TTLL1: variants seen among roughly 807,000 people sequenced by gnomAD.
TTLL1 encodes TTL family tubulin polyglutamylase complex subunit L1.
A neutral mutation model predicts 47.8 loss-of-function variants in TTLL1; 33 were observed. The observed-to-expected ratio is 0.69, with a 90% CI of 0.52 to 0.92. The LOEUF (loss-of-function observed/expected upper bound fraction) is 0.92, where lower values mean the gene tolerates loss of function less well. Ranked by LOEUF, TTLL1 falls within the 40% of genes least tolerant of loss-of-function variation. The pLI, the probability that TTLL1 is intolerant of heterozygous loss-of-function variation, is 0.00. For synonymous variants in TTLL1, 225 were observed against 214.1 expected, an observed-to-expected ratio of 1.05 and a Z score of -0.45; for missense variants, 488 against 547.5, an observed-to-expected ratio of 0.89 and a Z score of 1.08.
chr22:43,056,074 T>G (rs1346200793), intron 8 of TTLL1, among the ~76,000 whole-genome samples: 2 of 151,762 alleles, frequency 1.3e-5, no homozygotes, highest in Non-Finnish European at 2.9e-5. Flanking sequence ...ATAAATATGT[T>G]CATACAGCCA....
In TTLL1 at chr22:43,046,402, A is replaced by G. The variant is rs777860075; in HGVS notation, c.1142+8T>C. 25 of 1,613,686 alleles carry G rather than the reference A, an allele frequency of 1.5e-5. No homozygotes were observed. In the African/African-American group the frequency reaches 2.9e-4, roughly 19 times the overall value. On this transcript the variant is annotated splice_region_variant and intron_variant, in intron 10 of 10. Coordinates refer to ENST00000266254, the MANE Select transcript of TTLL1 (RefSeq NM_012263.5). The stretch of plus-strand genomic sequence containing the variant: ...GAAGGACAAGCGCACAGTCACACAC[A>G]CACTTACAGAATCTCGTAATTGCCG...
At chr22:43,068,813 C>A (rs1927917784) in intron 4 of TTLL1, among the ~76,000 whole-genome samples, 4 of 152,186 alleles carry the variant, frequency 2.6e-5, no homozygotes, top group Admixed American at 2.0e-4. Flanking sequence ...ATTTTTCAAT[C>A]CCCACGGCCA....
intron 3 of TTLL1, among the ~76,000 whole-genome samples, chr22:43,072,989 C>T (rs5759133): frequency 0.075 from 11,359 of 151,984 alleles, 816 homozygotes; most frequent in East Asian, 0.4. Context: ...AATTCAAATA[C>T]ATATGATAAG....
rs148024864 is a variant in TTLL1, at chr22:43,056,206, A to G, written c.891+3178T>C. Among the ~76,000 whole-genome samples the G allele has an allele frequency of 8.7e-4, 132 of 152,040 alleles. 1 individual carries two copies. Among genetic ancestry groups the G allele is most frequent in the African/African-American group, 3.1e-3 (129 of 41,492 alleles). On this transcript the variant is annotated intron_variant, in intron 8 of 10. Transcript: ENST00000266254. ...GAAACCTGTCTCTACTAAAAATACAAAAATTAGCTGGGCGTGGTGGCGCGC... is the reference window on the plus strand; with the variant it reads ...GAAACCTGTCTCTACTAAAAATACAGAAATTAGCTGGGCGTGGTGGCGCGC...
intron 3 of TTLL1, among the ~76,000 whole-genome samples, chr22:43,073,477 C>T (rs1233535602): frequency 6.6e-6 from 1 of 151,890 alleles, no homozygotes; most frequent in Non-Finnish European, 1.5e-5. Flanking sequence ...CTGCCTCAGC[C>T]TCCCGGGCAG....
At chr22:43,068,362 C>T (rs751742014) in intron 5 of TTLL1, 48 bp downstream of exon 5, 89 of 1,408,156 alleles carry the variant, frequency 6.3e-5, no homozygotes, top group Non-Finnish European at 7.6e-5. Context: ...CAGCATAAAA[C>T]GGTGAACTGG....
chr22:43,048,330 GA>G (rs569610944), intron 9 of TTLL1, among the ~76,000 whole-genome samples: 97 of 141,050 alleles, frequency 6.9e-4, no homozygotes, highest in Middle Eastern at 3.6e-3. Context: ...AAAAAAGAAA[GA>G]AAAAAAAAAA....
chr22:43,067,867 G>A (rs1384602407), intron 5 of TTLL1, among the ~76,000 whole-genome samples: 2 of 151,566 alleles, frequency 1.3e-5, no homozygotes, highest in African/African-American at 2.4e-5. Context: ...TGCATGGCGC[G>A]ATCTCAGCTC....
Position 43,072,175 on chromosome 22 carries a change from A to G in TTLL1, c.114-2331T>C, listed in dbSNP as rs527433206. Among the ~76,000 whole-genome samples the G allele has an allele frequency of 7.1e-3, 979 of 137,562 alleles. 7 individuals are homozygous for G. Among genetic ancestry groups the G allele is most frequent in the Non-Finnish European group, 0.011 (728 of 64,854 alleles). 90.2% of individuals were successfully genotyped at this position (137,562 alleles called of 152,430 possible). A position where few individuals can be genotyped will look rare whatever the true frequency, so the allele number is the denominator to read the frequency against. On this transcript the variant is annotated intron_variant, in intron 3 of 10. Coordinates refer to ENST00000266254, the MANE Select transcript of TTLL1 (RefSeq NM_012263.5). ...TTTTCTTTTTTTTTTTTTTTTTGAG[A>G]CGGAGTCTTGCTCTGTCGCCCAGGC...
chr22:43,064,694 C>G (rs1927615624), intron 5 of TTLL1, among the ~76,000 whole-genome samples: 1 of 152,166 alleles, frequency 6.6e-6, no homozygotes, highest in South Asian at 2.1e-4. Context: ...CCACTGCACT[C>G]CAGCCTGGGT....
At position 43,046,614 on chromosome 22, in the gene TTLL1, G is replaced by A. The variant is rs188039373; in HGVS notation, c.979-41C>T. 2.9e-4 allele frequency: 458 copies of A among 1,599,638 alleles called. No individual in the cohort carries two copies. The African/African-American group carries it at 4.2e-3, about 15-fold the overall frequency. ...CCCATGTTCCTCACCTGTGTCTCTC[G>A]CTCTTTTGGAATGAAAATGTGCACT... On this transcript the variant is annotated intron_variant, in intron 9 of 10. Coordinates refer to ENST00000266254, the MANE Select transcript of TTLL1 (RefSeq NM_012263.5).
rs763316016 is a variant in TTLL1 at position 43,040,019 on chromosome 22, G to A, written c.1143-114C>T. ...TCACCCAGAGAAGCGGCCTGAGGGG[G>A]CCCCACCCTCGCGACTCCTGCTGGC... On this transcript the variant is annotated intron_variant, in intron 10 of 10. Coordinates refer to ENST00000266254, the MANE Select transcript of TTLL1 (RefSeq NM_012263.5). 27 of 1,458,386 alleles carry A rather than the reference G, an allele frequency of 1.9e-5. No individual in the cohort carries two copies. In the Admixed American group the frequency reaches 3.9e-4, roughly 21 times the overall value. 90.3% of individuals were successfully genotyped at this position (1,458,386 alleles called of 1,614,324 possible). A position where few individuals can be genotyped will look rare whatever the true frequency, so the allele number is the denominator to read the frequency against.
chr22:43,082,697 C>T (rs1928977575), intron 1 of TTLL1, among the ~76,000 whole-genome samples: 2 of 123,470 alleles, frequency 1.6e-5, no homozygotes, highest in South Asian at 5.1e-4. Context: ...GCCTGGGCAA[C>T]AGGATGAGAC....
At position 43,076,382 on chromosome 22, in the gene TTLL1, G is replaced by A. The variant is rs1601698740; in HGVS notation, c.-4-792C>T. On this transcript the variant is annotated intron_variant, in intron 2 of 10. Coordinates refer to ENST00000266254, the MANE Select transcript of TTLL1 (RefSeq NM_012263.5). The stretch of plus-strand genomic sequence containing the variant: ...GAGGCAGGAGAATCGCTTGAACCCG[G>A]GAGGCAGAGGTTGTAGTGAGCTGAG... Among the ~76,000 whole-genome samples, 3 of 152,122 alleles carry A rather than the reference G, an allele frequency of 2.0e-5. No homozygotes were observed. The South Asian group carries it at 6.2e-4, about 32-fold the overall frequency.
At chr22:43,068,643 T>C (rs912732385) in intron 4 of TTLL1, 53 bp from the exon 5 acceptor site, 20 of 1,368,282 alleles carry the variant, frequency 1.5e-5, no homozygotes, top group South Asian at 8.6e-5. Context: ...ACAGTGGCCA[T>C]GAACAGAAAG....
At chr22:43,042,056 C>A (rs1004253557) in intron 10 of TTLL1, among the ~76,000 whole-genome samples, 1 of 152,166 alleles carries the variant, frequency 6.6e-6, no homozygotes, top group Non-Finnish European at 1.5e-5. Context: ...GGATCAGATA[C>A]CCCTACCCCG....
At chr22:43,062,489 CTT>C (rs1482283816) in intron 7 of TTLL1, among the ~76,000 whole-genome samples, 1 of 119,302 alleles carries the variant, frequency 8.4e-6, no homozygotes, top group Admixed American at 9.6e-5. Flanking sequence ...GACTCTGTCT[CTT>C]AAAAAAAAAA....
chr22:43,059,637 T>C (rs1927272176), intron 7 of TTLL1, 110 bp from the exon 8 acceptor site: 1 of 1,360,206 alleles, frequency 7.4e-7, no homozygotes, highest in East Asian at 2.6e-5. Flanking sequence ...GGTGTGGGCA[T>C]CCAGCAACAA....
chr22:43,052,141 C>A, intron 8 of TTLL1: 3 of 482,140 alleles, frequency 6.2e-6, no homozygotes, highest in South Asian at 6.1e-5. Context: ...TCATCAGAGG[C>A]TTGACTAGCA....
Sources: allele counts gnomAD v4.1 joint callset (sites outside exome capture counted in the v4.1 genomes callset), GRCh38; gene constraint gnomAD v4.1.1; transcripts MANE v1.5; gene names NCBI Gene and HGNC (gene_info 2026-07-23, HGNC 2026-07-21).